HMCN1: variants seen among roughly 807,000 people sequenced by gnomAD.
HMCN1 encodes the protein hemicentin 1.
In HMCN1, 321 loss-of-function variants were observed where a neutral mutation model predicts 625.9. That is an observed-to-expected ratio of 0.51 (90% CI 0.47 to 0.56). HMCN1 has a LOEUF of 0.56. Among genes scored for constraint, HMCN1 ranks in the 20% least tolerant of loss-of-function variants. The pLI is 0.00. For missense variants in HMCN1, 6,588 were observed against 6,887.3 expected (o/e 0.96, Z 1.54); for synonymous variants, 2,425 against 2,417.6 (o/e 1.00, Z -0.09).
At chr1:185,997,401 T>A in intron 24 of HMCN1, 28 bp from the exon 25 acceptor site, 1 of 1,429,456 alleles carries the variant, frequency 7.0e-7, no homozygotes, top group Non-Finnish European at 9.9e-7. Context: ...AAAGAAAGCC[T>A]GTGATAATGC....
At chr1:186,074,917 AATGT>A in intron 53 of HMCN1, 26 bp downstream of exon 53, 1 of 1,539,118 alleles carries the variant, frequency 6.5e-7, no homozygotes, top group Non-Finnish European at 9.0e-7. Context: ...TATTGTATAT[AATGT>A]AATTTATATG....
At chr1:186,176,996 G>C (rs913755864) in intron 103 of HMCN1, 3 of 150,328 alleles carry the variant, frequency 2.0e-5, no homozygotes, top group Non-Finnish European at 4.4e-5. Flanking sequence ...GTGAAACCCT[G>C]TCTCTGTCAA....
In HMCN1 at chr1:185,977,977, T is replaced by C; in HGVS notation, c.2562T>C (p.Ile854=). The C allele has an allele frequency of 6.2e-7, 1 of 1,604,202 alleles. No homozygotes were observed. Among genetic ancestry groups the C allele is most frequent in the Non-Finnish European group, 8.5e-7 (1 of 1,171,354 alleles). ...ISQLRTGALF[I]LNLWASDKGT... ...AACTAAGAACAGGAGCTCTCTTTATTTTAAGTAGGTTGAAGGAAATATATT... is the reference window on the plus strand; with the variant it reads ...AACTAAGAACAGGAGCTCTCTTTATCTTAAGTAGGTTGAAGGAAATATATT... The change falls in exon 16 of 107, where the codon ATT becomes ATC. Residue 854 remains isoleucine, a synonymous_variant. Transcript: ENST00000271588.
intron 2 of HMCN1, among the ~76,000 whole-genome samples, chr1:185,855,997 T>C (rs978051006): frequency 1.2e-4 from 18 of 152,222 alleles, no homozygotes; most frequent in African/African-American, 4.1e-4. Flanking sequence ...ATCCCTGCAA[T>C]ATATTCTACA....
intron 53 of HMCN1, 101 bp from the exon 54 acceptor site, chr1:186,076,327 G>A: frequency 8.7e-7 from 1 of 1,154,774 alleles, no homozygotes; most frequent in Non-Finnish European, 1.3e-6. Flanking sequence ...TTTCCACATT[G>A]TCTAATCTAT....
Position 186,069,676 on chromosome 1 carries a change from G to T in HMCN1, c.7893G>T (p.Leu2631=). Residue 2631 remains leucine, a synonymous_variant, in exon 51 of 107, where the codon CTG becomes CTT. Transcript: ENST00000271588. ...NIRILPGGRT[L]QILNAQEDNA... is the part of the protein sequence containing the mutation. ...ATGATTTTACAGGAGGCAGAACTCT[G>T]CAGATCCTCAATGCACAGGAGGACA... The T allele has an allele frequency of 6.2e-7, 1 of 1,611,636 alleles. No homozygotes were observed. The highest frequency in any genetic ancestry group is 2.2e-5 in the East Asian group (1 of 44,770).
intron 56 of HMCN1, among the ~76,000 whole-genome samples, chr1:186,082,535 G>A (rs2102384011): frequency 6.6e-6 from 1 of 152,260 alleles, no homozygotes; most frequent in South Asian, 2.1e-4. Flanking sequence ...CCAGTCACAA[G>A]ACCAACACAA....
At chr1:186,109,830 T>G (rs138170763) in intron 71 of HMCN1, among the ~76,000 whole-genome samples, 144 of 152,342 alleles carry the variant, frequency 9.5e-4, no homozygotes, top group African/African-American at 3.4e-3. Context: ...CCCATAGATT[T>G]CAGGATTCTG....
chr1:185,999,385 T>C (rs1399093584), intron 25 of HMCN1, among the ~76,000 whole-genome samples: 1 of 152,100 alleles, frequency 6.6e-6, no homozygotes, highest in East Asian at 1.9e-4. Context: ...CACTCAAAGA[T>C]TGTTGTATCA....
In HMCN1 at chr1:186,018,264, G is replaced by A; in HGVS notation, c.5382G>A (p.Gln1794=). 6.2e-7 allele frequency: 1 copy of A among 1,612,976 alleles called. No homozygotes were observed. Among genetic ancestry groups the A allele is most frequent in the Non-Finnish European group, 8.5e-7 (1 of 1,179,154 alleles). ...LLNGRKLVIA[Q]AQVSNTGLYR... ...ATGGACGCAAACTGGTTATTGCTCA[G>A]GCTCAAGTGTCAAACACAGGCCTTT... is the stretch of plus-strand genomic sequence containing the variant. The change falls in exon 34 of 107, where the codon CAG becomes CAA. Residue 1794 remains glutamine (Q), a synonymous_variant. Coordinates refer to ENST00000271588, the MANE Select transcript of HMCN1 (RefSeq NM_031935.3).
chr1:185,852,075 G>GACCTCATGAA (rs1662196191), intron 2 of HMCN1, among the ~76,000 whole-genome samples: 1 of 151,880 alleles, frequency 6.6e-6, no homozygotes, highest in Non-Finnish European at 1.5e-5. Context: ...AGAATAAATG[G>GACCTCATGAA]GTTTAAACTT....
At chr1:185,871,042 C>T (rs1174380420) in intron 4 of HMCN1, among the ~76,000 whole-genome samples, 1 of 151,958 alleles carries the variant, frequency 6.6e-6, no homozygotes, top group Non-Finnish European at 1.5e-5. Flanking sequence ...CCATCCTGAT[C>T]AACATGGTAA....
At chr1:186,033,064 G>GCGCACACACA (rs1027390136) in intron 36 of HMCN1, among the ~76,000 whole-genome samples, 86 of 140,398 alleles carry the variant, frequency 6.1e-4, no homozygotes, top group African/African-American at 2.1e-3. Flanking sequence ...ATACACACAC[G>GCGCACACACA]CACACACACA....
chr1:185,779,355 A>T (rs1034323922), intron 1 of HMCN1, among the ~76,000 whole-genome samples: 3 of 152,068 alleles, frequency 2.0e-5, no homozygotes, highest in Admixed American at 2.0e-4. Flanking sequence ...GTTTAATTAG[A>T]TCCCATTTGT....
intron 4 of HMCN1, among the ~76,000 whole-genome samples, chr1:185,907,079 G>A (rs1219453660): frequency 2.6e-5 from 4 of 151,016 alleles, no homozygotes; most frequent in South Asian, 2.1e-4. Context: ...CAGTCAGTCT[G>A]GTCTGTAGTC....
At chr1:185,995,633 G>A (rs919109043) in intron 24 of HMCN1, among the ~76,000 whole-genome samples, 5 of 152,134 alleles carry the variant, frequency 3.3e-5, no homozygotes, top group African/African-American at 4.8e-5. Flanking sequence ...TATAGTGTGA[G>A]TAGACAGAAA....
chr1:185,897,410 G>A (rs1204501927), intron 4 of HMCN1, among the ~76,000 whole-genome samples: 3 of 152,080 alleles, frequency 2.0e-5, no homozygotes, highest in African/African-American at 2.4e-5. Context: ...TAGATCTTCA[G>A]GGTAAGATCT....
At chr1:186,117,814 A>C (rs1000936734) in intron 77 of HMCN1, among the ~76,000 whole-genome samples, 191 bp downstream of exon 77, 1 of 152,212 alleles carries the variant, frequency 6.6e-6, no homozygotes. Flanking sequence ...GAAGAGAAAA[A>C]AATTAGTCTG....
At chr1:186,070,093 C>T (rs966636166) in intron 51 of HMCN1, among the ~76,000 whole-genome samples, 6 of 152,154 alleles carry the variant, frequency 3.9e-5, no homozygotes, top group African/African-American at 9.7e-5. Flanking sequence ...ACAAAACTGT[C>T]GTTAGATGCA....
Sources: gnomAD v4.1 joint callset for allele counts (sites outside exome capture counted in the v4.1 genomes callset) on GRCh38, gnomAD v4.1.1 for gene constraint, MANE v1.5 for transcripts, NCBI Gene and HGNC (gene_info 2026-07-23, HGNC 2026-07-21) for gene names.